PHF7: variants seen among roughly 807,000 people sequenced by gnomAD.
PHF7 encodes the protein E3 ubiquitin-protein ligase PHF7.
A neutral mutation model predicts 47.5 loss-of-function variants in PHF7; 24 were observed. The ratio of observed to expected loss-of-function variants is 0.51; its 90% CI spans 0.37 to 0.71. PHF7 has a LOEUF of 0.71. Among genes scored for constraint, PHF7 ranks in the 30% least tolerant of loss-of-function variants. PHF7 has a pLI of 0.00. For missense variants in PHF7, 361 were observed against 456.8 expected (o/e 0.79, Z 1.91); for synonymous variants, 156 against 153.8 (o/e 1.01, Z -0.11).
chr3:52,416,605 C>T (rs906299392), intron 4 of PHF7, among the ~76,000 whole-genome samples: 2 of 151,202 alleles, frequency 1.3e-5, no homozygotes, highest in African/African-American at 4.9e-5. Flanking sequence ...GAGGCCGAGG[C>T]GAGCAGATCA....
chr3:52,418,494 A>C (rs1705687321), intron 4 of PHF7, among the ~76,000 whole-genome samples: 1 of 152,244 alleles, frequency 6.6e-6, no homozygotes, highest in South Asian at 2.1e-4. Flanking sequence ...CTCATCCCAA[A>C]GCCCTGAGAT....
At chr3:52,411,973 T>C (rs894995587) in intron 1 of PHF7, among the ~76,000 whole-genome samples, 1 of 152,114 alleles carries the variant, frequency 6.6e-6, no homozygotes, top group Non-Finnish European at 1.5e-5. Flanking sequence ...CCCAGCACTT[T>C]GGGAGGCTGA....
At chr3:52,423,016 T>C in intron 10 of PHF7, 75 bp from the exon 11 acceptor site, 1 of 1,490,228 alleles carries the variant, frequency 6.7e-7, no homozygotes, top group Non-Finnish European at 9.3e-7. Flanking sequence ...GGAAAGTAGC[T>C]AGAGAGGAGC....
intron 4 of PHF7, among the ~76,000 whole-genome samples, chr3:52,415,751 T>A (rs1440294313): frequency 6.6e-6 from 1 of 152,242 alleles, no homozygotes; most frequent in Non-Finnish European, 1.5e-5. Flanking sequence ...TTCGGTTGCA[T>A]GAATAAGTTA....
chr3:52,416,343 G>A (rs1300688077), intron 4 of PHF7, among the ~76,000 whole-genome samples: 1 of 151,138 alleles, frequency 6.6e-6, no homozygotes, highest in Non-Finnish European at 1.5e-5. Context: ...CTGTCACCAC[G>A]CATGGCTAAT....
In PHF7 at chr3:52,410,848, T is replaced by TG. The variant is rs1686132801; in HGVS notation, c.-467dup. 1 of 152,390 alleles carries TG rather than the reference T, an allele frequency of 6.6e-6. No individual in the cohort carries two copies. Among genetic ancestry groups the TG allele is most frequent in the South Asian group, 2.1e-4 (1 of 4,872 alleles). The allele number at this position is 152,390 out of a possible 1,614,324, so 9.4% of individuals were successfully genotyped here. ...AGGCGACCTCGGCCCGGCCCTGCAC[T>TG]GGCCGCCCGGCAGGCGCGACATGAG... On this transcript the variant is annotated 5_prime_UTR_variant, in exon 1 of 11. Coordinates refer to ENST00000327906, the MANE Select transcript of PHF7 (RefSeq NM_016483.7).
At chr3:52,419,206 AAAGT>A (rs1348308947) in intron 4 of PHF7, among the ~76,000 whole-genome samples, 1 of 152,168 alleles carries the variant, frequency 6.6e-6, no homozygotes, top group Non-Finnish European at 1.5e-5. Flanking sequence ...GCCTAGAGCA[AAAGT>A]AAGAGTCCAG....
At chr3:52,419,698 C>G (rs866176010) in intron 4 of PHF7, 135 bp from the exon 5 acceptor site, 1 of 691,052 alleles carries the variant, frequency 1.4e-6, no homozygotes, top group Non-Finnish European at 2.7e-6. Flanking sequence ...CCCAAAGTGC[C>G]GGGATTACAG....
chr3:52,419,568 C>G (rs113386130), intron 4 of PHF7, among the ~76,000 whole-genome samples: 214 of 151,992 alleles, frequency 1.4e-3, no homozygotes, highest in African/African-American at 5.0e-3. Flanking sequence ...GTAGCTGGGA[C>G]TACAGGTGCG....
chr3:52,419,767 T>C, intron 4 of PHF7, 66 bp from the exon 5 acceptor site: 1 of 903,996 alleles, frequency 1.1e-6, no homozygotes, highest in Middle Eastern at 3.2e-4. Context: ...CCTGTCCTTC[T>C]CCTCACCTCA....
chr3:52,414,492 C>A lies in PHF7; in HGVS notation c.95-4C>A. The stretch of plus-strand genomic sequence containing the variant: ...AGCCAAATTCTGGGTGTCCTCTCTT[C>A]CAGTTTGCTGGCTATGCCTTCGAGA... On this transcript the variant is annotated splice_region_variant and splice_polypyrimidine_tract_variant and intron_variant, in intron 3 of 10. Transcript: ENST00000327906. The A allele has an allele frequency of 6.3e-7, 1 of 1,593,000 alleles. No individual in the cohort carries two copies. The highest frequency in any genetic ancestry group is 8.6e-7 in the Non-Finnish European group (1 of 1,162,410).
chr3:52,419,498 C>G (rs1705720663), intron 4 of PHF7, among the ~76,000 whole-genome samples: 1 of 150,000 alleles, frequency 6.7e-6, no homozygotes, highest in South Asian at 2.1e-4. Context: ...GGCACGATCT[C>G]GGCTCACTGC....
chr3:52,412,800 T>C lies in PHF7; in HGVS notation c.-69-11T>C. The C allele has an allele frequency of 8.4e-7, 1 of 1,185,426 alleles. No homozygotes were observed. The highest frequency in any genetic ancestry group is 1.9e-5 in the Admixed American group (1 of 52,824). The allele number at this position is 1,185,426 out of a possible 1,614,324, so 73.4% of individuals were successfully genotyped here. On this transcript the variant is annotated splice_polypyrimidine_tract_variant and intron_variant, in intron 1 of 10. Coordinates refer to ENST00000327906, the MANE Select transcript of PHF7 (RefSeq NM_016483.7). Reference sequence around the variant, plus strand: ...ATTAAATTGCTTACCAAACCCCATTTATATTTATAGCTGGAAGAGCCTGTA... The same window carrying C: ...ATTAAATTGCTTACCAAACCCCATTCATATTTATAGCTGGAAGAGCCTGTA...
intron 8 of PHF7, 50 bp from the exon 9 acceptor site, chr3:52,422,172 G>A (rs148639617): frequency 2.3e-6 from 3 of 1,301,356 alleles, no homozygotes; most frequent in African/African-American, 2.9e-5. Flanking sequence ...ATGGACAAAA[G>A]TTTCACCAAC....
intron 4 of PHF7, among the ~76,000 whole-genome samples, chr3:52,418,439 G>T (rs1236892557): frequency 6.6e-6 from 1 of 151,894 alleles, no homozygotes; most frequent in East Asian, 1.9e-4. Context: ...CATGCTTATT[G>T]CAGAAAACAT....
chr3:52,413,681 A>G (rs1013743307), intron 2 of PHF7, among the ~76,000 whole-genome samples: 4 of 152,212 alleles, frequency 2.6e-5, no homozygotes, highest in African/African-American at 9.7e-5. Context: ...CTAAAAATAT[A>G]GAAATTAGCT....
In PHF7 at chr3:52,423,352, G is replaced by T. The variant is rs768700885; in HGVS notation, c.*35G>T. 7.3e-7 allele frequency: 1 copy of T among 1,367,522 alleles called. No individual in the cohort carries two copies. 84.7% of individuals were successfully genotyped at this position (1,367,522 alleles called of 1,614,324 possible). A position where few individuals can be genotyped will look rare whatever the true frequency, so the allele number is the denominator to read the frequency against. On this transcript the variant is annotated 3_prime_UTR_variant, in exon 11 of 11. Transcript: ENST00000327906. ...AGTAGCTGCTGTCCCACACAATAGG[G>T]TATGAAGCTGCGCTCCTCCATCGGG...
chr3:52,422,372 A>T, intron 9 of PHF7, 34 bp downstream of exon 9: 1 of 1,298,510 alleles, frequency 7.7e-7, no homozygotes, highest in Non-Finnish European at 1.1e-6. Flanking sequence ...AAGAGCTCTC[A>T]TCAGTGCTAT....
At chr3:52,416,705 C>T (rs1705636520) in intron 4 of PHF7, among the ~76,000 whole-genome samples, 1 of 151,330 alleles carries the variant, frequency 6.6e-6, no homozygotes, top group Admixed American at 6.6e-5. Flanking sequence ...TGGTGGCAGG[C>T]GCCTGTAGTC....
Sources: allele counts gnomAD v4.1 joint callset (sites outside exome capture counted in the v4.1 genomes callset), GRCh38; gene constraint gnomAD v4.1.1; transcripts MANE v1.5; gene names NCBI Gene and HGNC (gene_info 2026-07-23, HGNC 2026-07-21).